The following ARIH1 variants were observed in gnomAD, a reference collection of about 807,000 sequenced individuals.
ARIH1 encodes the protein ariadne RBR E3 ubiquitin protein ligase 1.
ARIH1 carries 8 observed loss-of-function variants against 85.0 expected under a neutral mutation model. That is an observed-to-expected ratio of 0.09 (90% confidence interval 0.06 to 0.17). The LOEUF (loss-of-function observed/expected upper bound fraction) is 0.17, where lower values mean the gene tolerates loss of function less well. Ranked by LOEUF, ARIH1 falls within the 10% of genes least tolerant of loss-of-function variation. ARIH1 has a pLI of 1.00. For missense variants in ARIH1, 311 were observed against 718.1 expected, an observed-to-expected ratio of 0.43 and a Z score of 6.48; for synonymous variants, 238 against 253.6, an observed-to-expected ratio of 0.94 and a Z score of 0.59.
chr15:72,519,794 T>G (rs1214064406), intron 2 of ARIH1, among the ~76,000 whole-genome samples: 2 of 152,226 alleles, frequency 1.3e-5, no homozygotes, highest in East Asian at 1.9e-4. Flanking sequence ...CTGACCGTAT[T>G]TTTTGACATC....
chr15:72,544,878 A>G lies in ARIH1; in HGVS notation c.502A>G (p.Lys168Glu). 1 of 1,613,656 alleles carries G rather than the reference A, an allele frequency of 6.2e-7. No homozygotes were observed. The highest frequency in any genetic ancestry group is 8.5e-7 in the Non-Finnish European group (1 of 1,179,604). The change falls in exon 3 of 14, where the codon AAA (lysine) becomes GAA (glutamate). Residue 168 changes from lysine (K) to glutamate (E), a missense_variant. By Grantham distance (56) the Lys-to-Glu change is moderately conservative (BLOSUM62 1). Coordinates refer to ENST00000379887, the MANE Select transcript of ARIH1 (RefSeq NM_005744.5). ...TGAGTGTCATGTAATTAATCCAAGT[A>G]AAAAGTCTCGAACACGCCAGATGAA... Reference protein sequence around the residue: ...FAECHVINPSKKSRTRQMNTR... With the variant: ...FAECHVINPSEKSRTRQMNTR...
At chr15:72,523,044 C>T (rs1345457361) in intron 2 of ARIH1, among the ~76,000 whole-genome samples, 2 of 152,098 alleles carry the variant, frequency 1.3e-5, no homozygotes, top group African/African-American at 2.4e-5. Context: ...CTCGTGGGAA[C>T]GCAAAATGGT....
At chr15:72,518,280 G>A in intron 2 of ARIH1, 146 bp downstream of exon 2, 1 of 606,522 alleles carries the variant, frequency 1.6e-6, no homozygotes, top group Non-Finnish European at 2.8e-6. Flanking sequence ...TTAATTTCTT[G>A]TATTCCCCTT....
intron 2 of ARIH1, among the ~76,000 whole-genome samples, chr15:72,525,675 G>GA (rs1444268767): frequency 2.0e-5 from 3 of 152,154 alleles, no homozygotes; most frequent in African/African-American, 7.2e-5. Flanking sequence ...CCTGAGAAGT[G>GA]AAAAAAACCC....
rs185413000 is a variant in ARIH1 at position 72,512,472 on chromosome 15, C to T, written c.376-5595C>T. 1.3e-3 allele frequency among the ~76,000 whole-genome samples: 197 copies of T among 147,802 alleles called. 1 individual carries two copies. The highest frequency in any genetic ancestry group is 4.4e-3 in the African/African-American group (176 of 40,336). ...ATCCTAGGTAGAGTTTTATTAGTTT[C>T]ATTGATCTTTAGCACTAGCTTTTGG... is the stretch of plus-strand genomic sequence containing the variant. On this transcript the variant is annotated intron_variant, in intron 1 of 13. Transcript: ENST00000379887.
At chr15:72,514,703 T>TA (rs879898295) in intron 1 of ARIH1, among the ~76,000 whole-genome samples, 92 of 135,778 alleles carry the variant, frequency 6.8e-4, no homozygotes, top group Middle Eastern at 4.3e-3. Flanking sequence ...GACCTTGTCT[T>TA]AAAAAAAAAA....
intron 2 of ARIH1, among the ~76,000 whole-genome samples, chr15:72,518,442 C>T (rs1567344835): frequency 6.6e-6 from 1 of 152,102 alleles, no homozygotes; most frequent in Admixed American, 6.5e-5. Flanking sequence ...AAAAAAAGCA[C>T]CTGATAACAT....
intron 1 of ARIH1, among the ~76,000 whole-genome samples, chr15:72,492,094 T>A (rs1015427059): frequency 3.3e-5 from 5 of 152,200 alleles, no homozygotes; most frequent in Non-Finnish European, 7.3e-5. Context: ...CTTTACAGCT[T>A]ACATATGTAC....
At chr15:72,496,151 A>T (rs2063879254) in intron 1 of ARIH1, among the ~76,000 whole-genome samples, 3 of 152,012 alleles carry the variant, frequency 2.0e-5, no homozygotes, top group Admixed American at 1.3e-4. Context: ...CAGTCCTCCC[A>T]CTTCAGCCTA....
intron 3 of ARIH1, among the ~76,000 whole-genome samples, chr15:72,554,200 G>A (rs2064165057): frequency 1.3e-5 from 2 of 152,116 alleles, no homozygotes; most frequent in African/African-American, 4.8e-5. Flanking sequence ...TTTTTGTATG[G>A]ATGTATGTTT....
intron 1 of ARIH1, among the ~76,000 whole-genome samples, chr15:72,499,042 G>A (rs1177031647): frequency 2.3e-5 from 3 of 130,878 alleles, no homozygotes; most frequent in African/African-American, 3.2e-5. Flanking sequence ...GTGCAGTAGT[G>A]TGATCTCGGC....
At chr15:72,500,800 G>A (rs2063899703) in intron 1 of ARIH1, among the ~76,000 whole-genome samples, 1 of 152,104 alleles carries the variant, frequency 6.6e-6, no homozygotes, top group African/African-American at 2.4e-5. Context: ...GTTTAAAATG[G>A]TTACCTCAGA....
chr15:72,563,529 A>G (rs1428553820), intron 7 of ARIH1, 29 bp downstream of exon 7: 1 of 1,550,500 alleles, frequency 6.4e-7, no homozygotes, highest in Non-Finnish European at 8.9e-7. Context: ...AAATTGAAAT[A>G]GTGCACAAAG....
intron 9 of ARIH1, among the ~76,000 whole-genome samples, chr15:72,567,934 G>C (rs1013544996): frequency 6.6e-6 from 1 of 152,142 alleles, no homozygotes; most frequent in Admixed American, 6.5e-5. Flanking sequence ...TCTTTGAACT[G>C]TTGCCTCAGT....
chr15:72,571,129 CAAAAAAAAAAA>C (rs56376097), intron 10 of ARIH1, among the ~76,000 whole-genome samples: 57 of 61,478 alleles, frequency 9.3e-4, no homozygotes, highest in Admixed American at 1.5e-3. Context: ...AACTGTGTCT[CAAAAAAAAAAA>C]AAAAAAAAAA....
In ARIH1 at chr15:72,598,446, T is replaced by C. The variant is rs1483519698; in HGVS notation, c.*15154T>C. On this transcript the variant is annotated 3_prime_UTR_variant, in exon 14 of 14. Coordinates refer to ENST00000379887, the MANE Select transcript of ARIH1 (RefSeq NM_005744.5). ...AAATTTTTTTAGGTCAGGCACAGTGTCTCATGCCTGTAATCCCAGCACTTT... is the reference window on the plus strand; with the variant it reads ...AAATTTTTTTAGGTCAGGCACAGTGCCTCATGCCTGTAATCCCAGCACTTT... 6.6e-6 allele frequency: 1 copy of C among 151,974 alleles called. No individual in the cohort carries two copies. The highest frequency in any genetic ancestry group is 2.4e-5 in the African/African-American group (1 of 41,354). 9.4% of individuals were successfully genotyped at this position (151,974 alleles called of 1,614,324 possible).
rs2064363341 is a variant in ARIH1 at position 72,596,255 on chromosome 15, T to C, written c.*12963T>C. The C allele has an allele frequency of 6.6e-6, 1 of 152,212 alleles. No homozygotes were observed. The highest frequency in any genetic ancestry group is 2.1e-4 in the South Asian group (1 of 4,834). The allele number at this position is 152,212 out of a possible 1,614,324, so 9.4% of individuals were successfully genotyped here. ...GACTCTATGTTGACCTTTTATTTCT[T>C]CTTTCAGTACTTTAAAGAAGTTATT... On this transcript the variant is annotated 3_prime_UTR_variant, in exon 14 of 14. Transcript: ENST00000379887.
At chr15:72,568,997 G>C (rs574168741) in intron 9 of ARIH1, among the ~76,000 whole-genome samples, 62 of 152,152 alleles carry the variant, frequency 4.1e-4, no homozygotes, top group African/African-American at 1.2e-3. Context: ...CAGTAATTTT[G>C]GCTTACTAGC....
chr15:72,595,156 A>G lies in ARIH1; in HGVS notation c.*11864A>G, dbSNP rs1273220382. The G allele has an allele frequency of 1.3e-5, 2 of 152,216 alleles. No individual in the cohort carries two copies. Among genetic ancestry groups the G allele is most frequent in the Non-Finnish European group, 2.9e-5 (2 of 68,046 alleles). 9.4% of individuals were successfully genotyped at this position (152,216 alleles called of 1,614,324 possible). A position where few individuals can be genotyped will look rare whatever the true frequency, so the allele number is the denominator to read the frequency against. The stretch of plus-strand genomic sequence containing the variant: ...TGGCAAACTGTGGCCCATGGGCCAG[A>G]TCCAGCCCATGGACAGTTTTGTTGT... On this transcript the variant is annotated 3_prime_UTR_variant, in exon 14 of 14. Coordinates refer to ENST00000379887, the MANE Select transcript of ARIH1 (RefSeq NM_005744.5).
Sources: allele counts gnomAD v4.1 joint callset (sites outside exome capture counted in the v4.1 genomes callset), GRCh38; gene constraint gnomAD v4.1.1; transcripts MANE v1.5; gene names NCBI Gene and HGNC (gene_info 2026-07-23, HGNC 2026-07-21).